Variants in ERBB3 observed in about 807,000 individuals in gnomAD.
ERBB3 encodes the protein receptor tyrosine-protein kinase erbB-3.
In ERBB3, 96 loss-of-function variants were observed where a neutral mutation model predicts 156.7. The observed-to-expected ratio is 0.61, with a 90% CI of 0.52 to 0.73. The LOEUF is 0.73. Among genes scored for constraint, ERBB3 ranks in the 30% least tolerant of loss-of-function variants. The pLI, the probability that ERBB3 is intolerant of heterozygous loss-of-function variation, is 0.00. For synonymous variants in ERBB3, 567 were observed against 632.0 expected (o/e 0.90, Z 1.54); for missense variants, 1,406 against 1,709.4 (o/e 0.82, Z 3.13).
intron 2 of ERBB3, among the ~76,000 whole-genome samples, chr12:56,084,673 A>C (rs1868414772): frequency 6.6e-6 from 1 of 151,048 alleles, no homozygotes; most frequent in African/African-American, 2.4e-5. Flanking sequence ...ACATGGAAAA[A>C]CCACATCTCT....
intron 3 of ERBB3, 166 bp downstream of exon 3, chr12:56,085,347 A>G: frequency 6.8e-7 from 1 of 1,480,164 alleles, no homozygotes; most frequent in Non-Finnish European, 9.0e-7. Flanking sequence ...GAGGGCCCCC[A>G]GTAGGGGGAG....
In ERBB3 at chr12:56,102,400, T is replaced by C. The variant is rs1395405686; in HGVS notation, c.*345T>C. 6.4e-6 allele frequency: 2 copies of C among 313,064 alleles called. No individual in the cohort carries two copies. Among genetic ancestry groups the C allele is most frequent in the African/African-American group, 2.1e-5 (1 of 46,980 alleles). 19.4% of individuals were successfully genotyped at this position (313,064 alleles called of 1,614,324 possible). ...GGCTCTTGACTACTTGGAACTAGGC[T>C]CTTATGTGTGCCTTTGTTTCCCATC... is the stretch of plus-strand genomic sequence containing the variant. On this transcript the variant is annotated 3_prime_UTR_variant, in exon 28 of 28. Coordinates refer to ENST00000267101, the MANE Select transcript of ERBB3 (RefSeq NM_001982.4).
rs1362556902 is a variant in ERBB3, at chr12:56,101,281, C to T, written c.3422C>T (p.Thr1141Ile). The change falls in exon 27 of 28, where the codon ACT (threonine) becomes ATT (isoleucine). Residue 1141 changes from threonine (T) to isoleucine (I), a missense_variant. Around this residue, in one of 3 missense-constraint regions of ERBB3, gnomAD observed 415 missense variants for 454.1 expected, o/e 0.91. Transcript: ENST00000267101. The part of the protein sequence containing the change: ...AYHSQRHSLL[T>I]PVTPLSPPGL... ...CATTCCCAGCGCCACAGTCTGCTGA[C>T]TCCTGTTACCCCACTCTCCCCACCC... 1 of 1,614,188 alleles carries T rather than the reference C, an allele frequency of 6.2e-7. No homozygotes were observed. The highest frequency in any genetic ancestry group is 2.2e-5 in the East Asian group (1 of 44,876).
intron 13 of ERBB3, 60 bp from the exon 14 acceptor site, chr12:56,094,039 T>C (rs1420377811): frequency 1.1e-5 from 17 of 1,563,350 alleles, no homozygotes. Context: ...GGTTGTGAGA[T>C]CGGAGCATGA....
chr12:56,098,031 C>A, intron 21 of ERBB3, 91 bp downstream of exon 21: 1 of 1,309,926 alleles, frequency 7.6e-7, no homozygotes, highest in Non-Finnish European at 1.1e-6. Context: ...CAAGCAGATG[C>A]TTCATGGTAA....
Position 56,102,087 on chromosome 12 carries a change from TA to T in ERBB3, c.*34del. 6.3e-7 allele frequency: 1 copy of T among 1,589,372 alleles called. No homozygotes were observed. The highest frequency in any genetic ancestry group is 8.6e-7 in the Non-Finnish European group (1 of 1,168,592). On this transcript the variant is annotated 3_prime_UTR_variant, in exon 28 of 28. Transcript: ENST00000267101. ...CTCCCTGTGGCACTCAGGGAGCATT[TA>T]ATGGCAGCTAGTGCCTTTAGAGGGT...
chr12:56,096,882 A>G, intron 19 of ERBB3, 36 bp downstream of exon 19: 1 of 1,497,204 alleles, frequency 6.7e-7, no homozygotes, highest in Non-Finnish European at 9.3e-7. Context: ...GCTAGGAGAG[A>G]GGACAATATT....
Position 56,080,233 on chromosome 12 carries a change from C to A in ERBB3, c.-68C>A. 1.5e-6 allele frequency: 2 copies of A among 1,309,026 alleles called. No homozygotes were observed. The highest frequency in any genetic ancestry group is 2.1e-6 in the Non-Finnish European group (2 of 931,136). 81.1% of individuals were successfully genotyped at this position (1,309,026 alleles called of 1,614,324 possible). On this transcript the variant is annotated 5_prime_UTR_variant, in exon 1 of 28. Coordinates refer to ENST00000267101, the MANE Select transcript of ERBB3 (RefSeq NM_001982.4). The stretch of plus-strand genomic sequence containing the variant: ...TCGCCAGCGGTTCAGGTGGCTCTTG[C>A]CTCGATGTCCTAGCCTAGGGGCCCC...
intron 4 of ERBB3, 112 bp downstream of exon 4, chr12:56,086,768 C>G (rs1868502216): frequency 7.6e-7 from 1 of 1,308,596 alleles, no homozygotes; most frequent in African/African-American, 1.4e-5. Context: ...TGAACAAACA[C>G]CTCAGGTCCC....
intron 19 of ERBB3, 39 bp from the exon 20 acceptor site, chr12:56,097,006 C>G: frequency 6.2e-7 from 1 of 1,602,414 alleles, no homozygotes; most frequent in Non-Finnish European, 8.5e-7. Context: ...TGTATGTGAA[C>G]CTGTTGGTTT....
rs758073549 is a variant in ERBB3, at chr12:56,089,993, C to CT, written c.1109+1140dup. On this transcript the variant is annotated intron_variant, in intron 9 of 27. Transcript: ENST00000267101. ...AGAATGGTATAAAATTCCCCATATA[C>CT]TTTTTTTTTTTTTTTAAGACAAAGT... Among the ~76,000 whole-genome samples the CT allele has an allele frequency of 2.9e-3, 395 of 138,042 alleles. 3 individuals are homozygous for CT. Among genetic ancestry groups the CT allele is most frequent in the East Asian group, 0.015 (69 of 4,686 alleles). The allele number at this position is 138,042 out of a possible 152,430, so 90.6% of individuals were successfully genotyped here. A position where few individuals can be genotyped will look rare whatever the true frequency, so the allele number is the denominator to read the frequency against.
chr12:56,093,227 G>A (rs1222659575), intron 11 of ERBB3, 118 bp from the exon 12 acceptor site: 1 of 1,167,192 alleles, frequency 8.6e-7, no homozygotes, highest in Non-Finnish European at 1.3e-6. Context: ...AAAAGGAGGG[G>A]GATTCCCTCT....
In ERBB3 at chr12:56,099,891, C is replaced by G. The variant is rs2136825621; in HGVS notation, c.2991C>G (p.Asn997Lys). The change falls in exon 25 of 28, where the codon AAC (asparagine) becomes AAG (lysine). Residue 997 changes from asparagine (N) to lysine (K), a missense_variant. Transcript: ENST00000267101. ...GGCCAGAGCCCCATGGTCTGACAAA[C>G]AAGAAGCTAGAGGAAGTAGAGCTGG... ...APGPEPHGLT[N>K]KKLEEVELEP... 1.2e-6 allele frequency: 2 copies of G among 1,614,204 alleles called. No individual in the cohort carries two copies. Among genetic ancestry groups the G allele is most frequent in the East Asian group, 2.2e-5 (1 of 44,878 alleles).
chr12:56,080,139 C>T, upstream of ERBB3: 1 of 672,728 alleles, frequency 1.5e-6, no homozygotes, highest in Admixed American at 2.1e-5. Context: ...GCCATCCCTC[C>T]CCGGACTCCG....
At chr12:56,100,063 C>T (rs368652265) in intron 25 of ERBB3, 34 bp downstream of exon 25, 488 of 1,608,280 alleles carry the variant, frequency 3.0e-4, no homozygotes, top group Non-Finnish European at 4.0e-4. Context: ...ACACTTTGCA[C>T]CCTGAGCCCT....
Position 56,093,504 on chromosome 12 carries a change from G to C in ERBB3, c.1434G>C (p.Thr478=), listed in dbSNP as rs758336051. 6.2e-7 allele frequency: 1 copy of C among 1,613,710 alleles called. No individual in the cohort carries two copies. Among genetic ancestry groups the C allele is most frequent in the Non-Finnish European group, 8.5e-7 (1 of 1,179,904 alleles). The change falls in exon 12 of 28, where the codon ACG becomes ACC. Residue 478 remains threonine, a synonymous_variant. Transcript: ENST00000267101. ...LNWTKVLRGP[T]EERLDIKHNR... Reference sequence around the variant, plus strand: ...GGACCAAGGTGCTTCGGGGGCCTACGGAAGAGCGACTAGACATCAAGCATA... The same window carrying C: ...GGACCAAGGTGCTTCGGGGGCCTACCGAAGAGCGACTAGACATCAAGCATA...
chr12:56,090,297 GC>G (rs1021927359), intron 9 of ERBB3, among the ~76,000 whole-genome samples: 5 of 151,964 alleles, frequency 3.3e-5, no homozygotes, highest in Non-Finnish European at 5.9e-5. Context: ...ACCGCGTCTG[GC>G]CCCCCATACA....
In ERBB3 at chr12:56,101,676, T is replaced by C; in HGVS notation, c.3650T>C (p.Leu1217Pro). 2 of 1,613,974 alleles carry C rather than the reference T, an allele frequency of 1.2e-6. No individual in the cohort carries two copies. The highest frequency in any genetic ancestry group is 1.7e-6 in the Non-Finnish European group (2 of 1,180,002). Residue 1217 changes from leucine to proline, a missense_variant, in exon 28 of 28, where the codon CTT (leucine) becomes CCT (proline). Coordinates refer to ENST00000267101, the MANE Select transcript of ERBB3 (RefSeq NM_001982.4). ...CCTCATCCCCCTAGGCCAAGTTCCC[T>C]TGAGGAGCTGGGTTATGAGTACATG... ...SPPHPPRPSS[L>P]EELGYEYMDV...
chr12:56,087,561 C>T lies in ERBB3; in HGVS notation c.548-16C>T, dbSNP rs199957175. ...TAGCCCTGATGGCCCCTTGTGTTGCCTTCCTTCCCAACCAGGTCCCCCCTG... is the reference window on the plus strand; with the variant it reads ...TAGCCCTGATGGCCCCTTGTGTTGCTTTCCTTCCCAACCAGGTCCCCCCTG... On this transcript the variant is annotated splice_polypyrimidine_tract_variant and intron_variant, in intron 4 of 27. Transcript: ENST00000267101. 3.7e-6 allele frequency: 6 copies of T among 1,613,188 alleles called. No homozygotes were observed. In the African/African-American group the frequency reaches 8.0e-5, roughly 22 times the overall value.
Sources: gnomAD v4.1 joint callset for allele counts (sites outside exome capture counted in the v4.1 genomes callset) on GRCh38, gnomAD v4.1.1 for gene constraint, gnomAD v4.1.1 regional missense constraint, MANE v1.5 for transcripts, NCBI Gene and HGNC (gene_info 2026-07-23, HGNC 2026-07-21) for gene names.